Variants in JAKMIP1 observed in about 807,000 individuals in gnomAD.
JAKMIP1 encodes janus kinase and microtubule-interacting protein 1.
In JAKMIP1, 33 loss-of-function variants were observed where a neutral mutation model predicts 113.0. The observed-to-expected ratio is 0.29, with a 90% CI of 0.22 to 0.39. The LOEUF is 0.39. Ranked by LOEUF, JAKMIP1 falls within the 10% of genes least tolerant of loss-of-function variation. The pLI, the probability that JAKMIP1 is intolerant of heterozygous loss-of-function variation, is 1.00. For missense variants in JAKMIP1, 813 were observed against 1,080.5 expected (o/e 0.75, Z 3.47); for synonymous variants, 480 against 459.9 (o/e 1.04, Z -0.56).
chr4:6,095,246 AG>A (rs1578215234), intron 3 of JAKMIP1, among the ~76,000 whole-genome samples: 1 of 137,278 alleles, frequency 7.3e-6, no homozygotes, highest in East Asian at 2.6e-4. Flanking sequence ...AAAGGAGCGA[AG>A]GAAAAAGGGA....
rs756604514 is a variant in JAKMIP1 at position 6,065,006 on chromosome 4, C to T, written c.1305G>A (p.Lys435=). ...HRGKSLKPPK[K]HVVETFFGFD... is the part of the protein sequence containing the mutation. ...ATCCAAAAAATGTCTCCACAACATG[C>T]TTCTGTAAAACGCAATTTGTATGAT... Residue 435 remains lysine (K), a splice_region_variant and synonymous_variant, in exon 9 of 21, where the codon AAG becomes AAA. Coordinates refer to ENST00000409021, the MANE Select transcript of JAKMIP1 (RefSeq NM_001099433.2). This position sits in a 1 kb window ranked among gnomAD's most constrained non-coding sequence, Gnocchi z 5.1. 1 of 1,614,068 alleles carries T rather than the reference C, an allele frequency of 6.2e-7. No individual in the cohort carries two copies. The highest frequency in any genetic ancestry group is 1.3e-5 in the African/African-American group (1 of 74,930).
intron 1 of JAKMIP1, among the ~76,000 whole-genome samples, chr4:6,125,943 T>TGCAGAAACACAC (rs1717467265): frequency 1.2e-5 from 1 of 82,152 alleles, no homozygotes; most frequent in Admixed American, 1.5e-4. Flanking sequence ...ACACACACCA[T>TGCAGAAACACAC]ACACACCATG....
chr4:6,090,238 A>G (rs1721857801), intron 3 of JAKMIP1, among the ~76,000 whole-genome samples: 1 of 152,042 alleles, frequency 6.6e-6, no homozygotes. Flanking sequence ...AAAAAGAAGA[A>G]AAAGAAGAGG....
In JAKMIP1 at chr4:6,106,190, G is replaced by A. The variant is rs551780874; in HGVS notation, c.130-223C>T. 6.6e-5 allele frequency among the ~76,000 whole-genome samples: 10 copies of A among 152,334 alleles called. 1 individual carries two copies. The East Asian group carries it at 1.5e-3, about 24-fold the overall frequency. ...CTAGTTCCCTGAGACTTTCCCTGGG[G>A]GTGGAAACCCCCTGAGGATGCTGGA... On this transcript the variant is annotated intron_variant, in intron 2 of 20. Coordinates refer to ENST00000409021, the MANE Select transcript of JAKMIP1 (RefSeq NM_001099433.2). The surrounding 1 kb of genome is among the most constrained non-coding windows in gnomAD (Gnocchi z 5.9).
chr4:6,079,978 G>A (rs2108819038), intron 7 of JAKMIP1, among the ~76,000 whole-genome samples, 194 bp downstream of exon 7: 1 of 152,330 alleles, frequency 6.6e-6, no homozygotes, highest in African/African-American at 2.4e-5. Context: ...TCTCATTTAA[G>A]CCAAGGCTGC....
chr4:6,094,905 G>T lies in JAKMIP1; in HGVS notation c.625-9276C>A, dbSNP rs1050327198. ...AGGCTGAGGTGGGAGGATTGCTTGAGCCTGGAAGGTAGAGGCTGCAGTGAG... is the reference window on the plus strand; with the variant it reads ...AGGCTGAGGTGGGAGGATTGCTTGATCCTGGAAGGTAGAGGCTGCAGTGAG... On this transcript the variant is annotated intron_variant, in intron 3 of 20. Transcript: ENST00000409021. The surrounding 1 kb of genome is among the most constrained non-coding windows in gnomAD (Gnocchi z 4.2). 6.6e-6 allele frequency among the ~76,000 whole-genome samples: 1 copy of T among 151,992 alleles called. No individual in the cohort carries two copies. The highest frequency in any genetic ancestry group is 2.4e-5 in the African/African-American group (1 of 41,374).
intron 18 of JAKMIP1, among the ~76,000 whole-genome samples, chr4:6,038,699 T>C (rs1313864302): frequency 6.6e-6 from 1 of 152,184 alleles, no homozygotes; most frequent in Non-Finnish European, 1.5e-5. Flanking sequence ...ACAGTTGCCC[T>C]TGGGGAACTA....
chr4:6,109,671 C>G (rs1370333114), intron 2 of JAKMIP1, among the ~76,000 whole-genome samples: 1 of 152,016 alleles, frequency 6.6e-6, no homozygotes. Context: ...ATGGAGCATG[C>G]ATGCCAGGGG....
At chr4:6,048,614 C>G (rs779250254) in intron 16 of JAKMIP1, among the ~76,000 whole-genome samples, 3 of 152,220 alleles carry the variant, frequency 2.0e-5, no homozygotes, top group Non-Finnish European at 1.5e-5. Context: ...GAAGGAAATA[C>G]ACAAAAGTGA....
At chr4:6,105,131 C>T (rs1713685367) in intron 3 of JAKMIP1, among the ~76,000 whole-genome samples, 1 of 152,234 alleles carries the variant, frequency 6.6e-6, no homozygotes. Context: ...CCGGCCTGCC[C>T]TGACCTGTGG....
chr4:6,138,436 C>CTGTCTCAAAATAAATAA lies in JAKMIP1; in HGVS notation c.-147-25440_-147-25439insTTATTTATTTTGAGACA, dbSNP rs1560256550. Among the ~76,000 whole-genome samples, 2 of 151,954 alleles carry CTGTCTCAAAATAAATAA rather than the reference C, an allele frequency of 1.3e-5. No homozygotes were observed. Among genetic ancestry groups the CTGTCTCAAAATAAATAA allele is most frequent in the African/African-American group, 4.8e-5 (2 of 41,334 alleles). On this transcript the variant is annotated intron_variant, in intron 1 of 20. Transcript: ENST00000409021. This position sits in a 1 kb window ranked among gnomAD's most constrained non-coding sequence, Gnocchi z 6.0. ...ATTTTTAGTAGAGATGGGGTTTCGCCATGTTGACCAGGCTGGTCTCAAACT... is the reference window on the plus strand; with the variant it reads ...ATTTTTAGTAGAGATGGGGTTTCGCCTGTCTCAAAATAAATAAATGTTGACCAGGCTGGTCTCAAACT...
intron 1 of JAKMIP1, among the ~76,000 whole-genome samples, chr4:6,119,968 C>T (rs1295130641): frequency 6.6e-6 from 1 of 152,198 alleles, no homozygotes; most frequent in African/African-American, 2.4e-5. Flanking sequence ...AGAAAAGTAG[C>T]TCCTTCAAGA....
In JAKMIP1 at chr4:6,106,398, G is replaced by A. The variant is rs146105197; in HGVS notation, c.130-431C>T. Among the ~76,000 whole-genome samples the A allele has an allele frequency of 3.5e-4, 53 of 152,176 alleles. 1 individual carries two copies. The highest frequency in any genetic ancestry group is 1.2e-3 in the African/African-American group (50 of 41,592). ...ACAGACCAGGCTTCTAAGTCCTGGG[G>A]GGCAGTGAGCAGGGGGCACCATTCT... On this transcript the variant is annotated intron_variant, in intron 2 of 20. Coordinates refer to ENST00000409021, the MANE Select transcript of JAKMIP1 (RefSeq NM_001099433.2). This position sits in a 1 kb window ranked among gnomAD's most constrained non-coding sequence, Gnocchi z 5.9.
chr4:6,035,916 C>A lies in JAKMIP1; in HGVS notation c.2367G>T (p.Gln789His), dbSNP rs1578045694. ...QILRERMELL[Q>H]QAQQRIRELE... is the part of the protein sequence containing the mutation. ...TGTTGCCGCCTACCTGCTGGGCCTG[C>A]TGCAGCAGCTCCATGCGCTCCCGCA... Residue 789 changes from glutamine to histidine, a missense_variant, in exon 19 of 21, where the codon CAG becomes CAT. By Grantham distance (24) the Gln-to-His change is conservative (BLOSUM62 0). Transcript: ENST00000409021. 1 of 1,549,804 alleles carries A rather than the reference C, an allele frequency of 6.5e-7. No homozygotes were observed.
At chr4:6,152,879 G>C (rs1188639206) in intron 1 of JAKMIP1, among the ~76,000 whole-genome samples, 2 of 151,184 alleles carry the variant, frequency 1.3e-5, no homozygotes, top group African/African-American at 2.4e-5. Flanking sequence ...GCTGAGGCAG[G>C]AGAATCACTT....
chr4:6,042,151 T>C lies in JAKMIP1; in HGVS notation c.2097+8A>G. 3 of 1,613,064 alleles carry C rather than the reference T, an allele frequency of 1.9e-6. No homozygotes were observed. Among genetic ancestry groups the C allele is most frequent in the Non-Finnish European group, 2.5e-6 (3 of 1,179,124 alleles). Reference sequence around the variant, plus strand: ...TCTCCCCCACCCCCAGGCAGTCAAATCTTTTACCTTCTCCTTCTCCAGGTC... The same window carrying C: ...TCTCCCCCACCCCCAGGCAGTCAAACCTTTTACCTTCTCCTTCTCCAGGTC... On this transcript the variant is annotated splice_region_variant and intron_variant, in intron 17 of 20. Transcript: ENST00000409021. This position sits in a 1 kb window ranked among gnomAD's most constrained non-coding sequence, Gnocchi z 5.2.
At chr4:6,117,167 T>G (rs1715911647) in intron 1 of JAKMIP1, among the ~76,000 whole-genome samples, 1 of 152,210 alleles carries the variant, frequency 6.6e-6, no homozygotes, top group South Asian at 2.1e-4. Context: ...TAGCAGGGTG[T>G]GACTCGGATT....
In JAKMIP1 at chr4:6,050,613, C is replaced by T. The variant is rs775284656; in HGVS notation, c.1873G>A (p.Ala625Thr). ...TCCTGGTGACAGAACAGCTGGAGAG[C>T]GCTGCTGTGGTTCTCGGGGAAGGTG... ...ITTFPENHSSALQLFCHQEGV... is the reference protein window; with the variant it reads ...ITTFPENHSSTLQLFCHQEGV... Residue 625 changes from alanine (A) to threonine (T), a missense_variant, in exon 14 of 21, where the codon GCT becomes ACT. Ala to Thr is a moderately conservative substitution (Grantham distance 58). Coordinates refer to ENST00000409021, the MANE Select transcript of JAKMIP1 (RefSeq NM_001099433.2). This position sits in a 1 kb window ranked among gnomAD's most constrained non-coding sequence, Gnocchi z 7.4. The T allele has an allele frequency of 1.3e-6, 2 of 1,575,666 alleles. No homozygotes were observed. Among genetic ancestry groups the T allele is most frequent in the Non-Finnish European group, 1.7e-6 (2 of 1,160,138 alleles).
rs1720184651 is a variant in JAKMIP1, at chr4:6,141,747, G to C, written c.-147-28750C>G. Among the ~76,000 whole-genome samples, 1 of 152,176 alleles carries C rather than the reference G, an allele frequency of 6.6e-6. No individual in the cohort carries two copies. Among genetic ancestry groups the C allele is most frequent in the Non-Finnish European group, 1.5e-5 (1 of 68,028 alleles). ...CTGCACCAAATGGAAAGTGGCCCCA[G>C]GACACTGATGCCGAGGATGCTGACT... On this transcript the variant is annotated intron_variant, in intron 1 of 20. Coordinates refer to ENST00000409021, the MANE Select transcript of JAKMIP1 (RefSeq NM_001099433.2). The surrounding 1 kb of genome is among the most constrained non-coding windows in gnomAD (Gnocchi z 9.4).
Sources: gnomAD v4.1 joint callset for allele counts (sites outside exome capture counted in the v4.1 genomes callset) on GRCh38, gnomAD v4.1.1 for gene constraint, Gnocchi (gnomAD v3.1) non-coding constraint, MANE v1.5 for transcripts, NCBI Gene and HGNC (gene_info 2026-07-23, HGNC 2026-07-21) for gene names.